GPD2: variants seen among roughly 807,000 people sequenced by gnomAD.
GPD2 encodes glycerol-3-phosphate dehydrogenase, mitochondrial.
Under a neutral mutation model 82.4 loss-of-function variants are expected in GPD2, and 54 were observed. That is an observed-to-expected ratio of 0.66 (90% CI 0.53 to 0.82). The LOEUF is 0.82. GPD2 is among the 40% of genes least tolerant of loss of function. The pLI, the probability that GPD2 is intolerant of heterozygous loss-of-function variation, is 0.00. For synonymous variants in GPD2, 288 were observed against 306.1 expected (o/e 0.94, Z 0.62); for missense variants, 748 against 896.2 (o/e 0.83, Z 2.11).
intron 8 of GPD2, among the ~76,000 whole-genome samples, chr2:156,553,376 T>C (rs1686837467): frequency 6.6e-6 from 1 of 152,194 alleles, no homozygotes; most frequent in African/African-American, 2.4e-5. Context: ...ATTGAGATTG[T>C]TCCTTTATTT....
At chr2:156,528,067 C>T (rs1324617283) in intron 6 of GPD2, among the ~76,000 whole-genome samples, 1 of 152,026 alleles carries the variant, frequency 6.6e-6, no homozygotes, top group Admixed American at 6.6e-5. Flanking sequence ...TGAATATAGT[C>T]AGGATTTACA....
intron 16 of GPD2, among the ~76,000 whole-genome samples, chr2:156,580,092 A>G (rs1016982280): frequency 2.0e-5 from 3 of 152,210 alleles, no homozygotes; most frequent in Admixed American, 6.5e-5. Context: ...GACGTATGCC[A>G]TGGCATATCA....
chr2:156,579,507 T>C (rs1256799395), intron 15 of GPD2, among the ~76,000 whole-genome samples, 183 bp from the exon 16 acceptor site: 3 of 151,982 alleles, frequency 2.0e-5, no homozygotes, highest in Non-Finnish European at 4.4e-5. Context: ...TTTTAAAATA[T>C]TTTTTGCAGA....
chr2:156,538,944 G>C (rs1289254822), intron 6 of GPD2, among the ~76,000 whole-genome samples: 2 of 151,616 alleles, frequency 1.3e-5, no homozygotes, highest in African/African-American at 2.4e-5. Flanking sequence ...TGTCAAGTAA[G>C]TCTGAATATT....
chr2:156,579,029 C>G, intron 14 of GPD2, 28 bp downstream of exon 14: 1 of 1,555,664 alleles, frequency 6.4e-7, no homozygotes. Context: ...CTATCTATCT[C>G]TCTTTTTTTT....
chr2:156,511,950 C>T (rs1426471648), intron 4 of GPD2, among the ~76,000 whole-genome samples: 1 of 152,078 alleles, frequency 6.6e-6, no homozygotes, highest in East Asian at 1.9e-4. Context: ...TAAATGGCTA[C>T]AATAATCTTG....
At chr2:156,548,360 C>T (rs1686628293) in intron 6 of GPD2, among the ~76,000 whole-genome samples, 1 of 152,144 alleles carries the variant, frequency 6.6e-6, no homozygotes, top group South Asian at 2.1e-4. Context: ...CTTCTACTTT[C>T]ATTCTATTAA....
At chr2:156,557,153 A>G (rs1686993301) in intron 8 of GPD2, among the ~76,000 whole-genome samples, 1 of 152,152 alleles carries the variant, frequency 6.6e-6, no homozygotes, top group South Asian at 2.1e-4. Flanking sequence ...TGGGGAGGGA[A>G]GGGGTAGCTC....
At chr2:156,430,846 G>A (rs576149845), upstream of GPD2, among the ~76,000 whole-genome samples, 7 of 152,230 alleles carry the variant, frequency 4.6e-5, no homozygotes, top group African/African-American at 1.7e-4. Context: ...TCACTGGAAA[G>A]TACCCACATG....
chr2:156,569,943 A>G (rs749412263), intron 11 of GPD2, 144 bp from the exon 12 acceptor site: 2 of 732,104 alleles, frequency 2.7e-6, no homozygotes, highest in Non-Finnish European at 4.6e-6. Flanking sequence ...GTTTCCTTCC[A>G]CAAAATCAAA....
chr2:156,503,454 T>C (rs1310982329), intron 3 of GPD2, among the ~76,000 whole-genome samples: 5 of 152,146 alleles, frequency 3.3e-5, no homozygotes, highest in Non-Finnish European at 7.4e-5. Flanking sequence ...GCATATATAA[T>C]TTTCTGTGTT....
chr2:156,510,074 C>T (rs953262897), intron 3 of GPD2, among the ~76,000 whole-genome samples: 5 of 152,108 alleles, frequency 3.3e-5, no homozygotes, highest in African/African-American at 4.8e-5. Context: ...TAAGCCACTA[C>T]GCCTGGCAAG....
intron 2 of GPD2, among the ~76,000 whole-genome samples, chr2:156,485,368 G>C (rs747669083): frequency 4.6e-5 from 7 of 152,208 alleles, no homozygotes; most frequent in African/African-American, 2.4e-5. Flanking sequence ...AAATGTCTCT[G>C]CACCATGGCT....
At chr2:156,534,062 G>A (rs1573971926) in intron 6 of GPD2, among the ~76,000 whole-genome samples, 1 of 152,214 alleles carries the variant, frequency 6.6e-6, no homozygotes, top group South Asian at 2.1e-4. Context: ...CAGACAAATT[G>A]AAGGATGGTA....
At chr2:156,412,007 A>T in the GPD2 span, among the ~76,000 whole-genome samples, 2 of 152,194 alleles carry the variant, frequency 1.3e-5, no homozygotes, top group African/African-American at 4.8e-5. Flanking sequence ...TGGCCACCTC[A>T]TTTGAAAACA....
Position 156,578,994 on chromosome 2 carries a change from A to G in GPD2, c.1873A>G (p.Ile625Val). 1 of 1,591,426 alleles carries G rather than the reference A, an allele frequency of 6.3e-7. No individual in the cohort carries two copies. The highest frequency in any genetic ancestry group is 8.6e-7 in the Non-Finnish European group (1 of 1,159,558). Residue 625 changes from isoleucine to valine, a missense_variant, in exon 14 of 17, where the codon ATT becomes GTT. Physicochemically the swap from Ile to Val is conservative, Grantham distance 29. Coordinates refer to ENST00000438166, the MANE Select transcript of GPD2 (RefSeq NM_000408.5). ...RSEISLLPSD[I>V]DRYKKRFHKF... ...TGAAATTAGCCTACTGCCTTCAGACATTGACAGGTACTTATAATAAGTGTC... is the reference window on the plus strand; with the variant it reads ...TGAAATTAGCCTACTGCCTTCAGACGTTGACAGGTACTTATAATAAGTGTC...
intron 2 of GPD2, among the ~76,000 whole-genome samples, chr2:156,494,985 G>A (rs952358384): frequency 2.0e-5 from 3 of 152,140 alleles, no homozygotes; most frequent in African/African-American, 7.2e-5. Context: ...AAATATGGAA[G>A]GTCATTATTT....
At chr2:156,523,963 A>G (rs1282154345) in intron 6 of GPD2, among the ~76,000 whole-genome samples, 4 of 152,208 alleles carry the variant, frequency 2.6e-5, no homozygotes, top group Non-Finnish European at 4.4e-5. Context: ...AATCTTACAT[A>G]TAAGTTGATT....
intron 6 of GPD2, among the ~76,000 whole-genome samples, chr2:156,513,804 TTTG>T: frequency 6.6e-6 from 1 of 152,336 alleles, no homozygotes; most frequent in South Asian, 2.1e-4. Context: ...TGCCATGTAA[TTTG>T]TTATGTGTTT....
Sources: gnomAD v4.1 joint callset for allele counts (sites outside exome capture counted in the v4.1 genomes callset) on GRCh38, gnomAD v4.1.1 for gene constraint, MANE v1.5 for transcripts, NCBI Gene and HGNC (gene_info 2026-07-23, HGNC 2026-07-21) for gene names.